Variants in C8orf34 observed in about 807,000 individuals in gnomAD.
C8orf34 encodes the protein chromosome 8 open reading frame 34.
C8orf34 carries 65 observed loss-of-function variants against 68.3 expected under a neutral mutation model. The ratio of observed to expected loss-of-function variants is 0.95; its 90% CI spans 0.78 to 1.17. The LOEUF (loss-of-function observed/expected upper bound fraction) is 1.17, where lower values mean the gene tolerates loss of function less well. C8orf34 is among the 50% of genes most tolerant of loss of function. The probability of loss-of-function intolerance (pLI) is 0.00; values close to 1 mark genes in which losing one functional copy is unlikely to be tolerated. For missense variants in C8orf34, 664 were observed against 655.4 expected (o/e 1.01, Z -0.14); for synonymous variants, 244 against 241.2 (o/e 1.01, Z -0.11).
At chr8:68,636,574 G>A (rs1818853080) in intron 7 of C8orf34, among the ~76,000 whole-genome samples, 1 of 152,052 alleles carries the variant, frequency 6.6e-6, no homozygotes, top group Admixed American at 6.6e-5. Flanking sequence ...GACAGAGCGA[G>A]ACTCTGTCTC....
At chr8:68,754,095 G>GA (rs55704304) in intron 10 of C8orf34, among the ~76,000 whole-genome samples, 37,681 of 149,970 alleles carry the variant, frequency 0.25, 6,858 homozygotes, top group African/African-American at 0.52. Context: ...GGATTAACTG[G>GA]AAAAAAAAAT....
At chr8:68,710,735 C>G (rs951938153) in intron 9 of C8orf34, among the ~76,000 whole-genome samples, 1 of 152,144 alleles carries the variant, frequency 6.6e-6, no homozygotes, top group Non-Finnish European at 1.5e-5. Flanking sequence ...TTCTTGGGAG[C>G]TCTATGGCCC....
chr8:68,775,832 A>G (rs931669375), intron 10 of C8orf34, among the ~76,000 whole-genome samples: 6 of 152,210 alleles, frequency 3.9e-5, no homozygotes, highest in African/African-American at 1.2e-4. Flanking sequence ...ATTAAGATCT[A>G]TACGAGATCA....
chr8:68,721,863 G>T (rs1028956546), intron 10 of C8orf34, among the ~76,000 whole-genome samples: 1 of 151,780 alleles, frequency 6.6e-6, no homozygotes, highest in Non-Finnish European at 1.5e-5. Flanking sequence ...GCAATTTAAG[G>T]TTAAAAGAAT....
At chr8:68,545,894 T>G (rs1262410259) in intron 7 of C8orf34, among the ~76,000 whole-genome samples, 1 of 152,040 alleles carries the variant, frequency 6.6e-6, no homozygotes, top group Non-Finnish European at 1.5e-5. Flanking sequence ...AGTATAGAGT[T>G]TATAATAAAC....
intron 5 of C8orf34, among the ~76,000 whole-genome samples, chr8:68,491,354 C>G (rs55775457): frequency 0.037 from 5,633 of 151,988 alleles, 131 homozygotes; most frequent in Middle Eastern, 0.068. Context: ...CACTTTAAAG[C>G]AACACAAATT....
intron 7 of C8orf34, among the ~76,000 whole-genome samples, chr8:68,587,698 C>T (rs1163942890): frequency 6.6e-6 from 1 of 151,992 alleles, no homozygotes; most frequent in African/African-American, 2.4e-5. Context: ...ATGCATATTC[C>T]TTTATTCTTT....
intron 7 of C8orf34, among the ~76,000 whole-genome samples, chr8:68,633,205 A>C (rs537329724): frequency 6.6e-6 from 1 of 152,226 alleles, no homozygotes; most frequent in East Asian, 1.9e-4. Flanking sequence ...CCTAAAACTT[A>C]TGTGACGAAC....
At chr8:68,483,865 A>G (rs1025954002) in intron 4 of C8orf34, among the ~76,000 whole-genome samples, 1 of 152,222 alleles carries the variant, frequency 6.6e-6, no homozygotes, top group African/African-American at 2.4e-5. Context: ...AGAGAAGCTC[A>G]GTTTCTGAAA....
At chr8:68,707,701 G>A (rs992153193) in intron 8 of C8orf34, among the ~76,000 whole-genome samples, 13 of 151,956 alleles carry the variant, frequency 8.6e-5, no homozygotes, top group Non-Finnish European at 1.6e-4. Context: ...TTAGCCTCCC[G>A]AAGTGCTGAG....
At chr8:68,469,135 A>G (rs1361104229) in intron 4 of C8orf34, among the ~76,000 whole-genome samples, 2 of 152,012 alleles carry the variant, frequency 1.3e-5, no homozygotes, top group Admixed American at 6.6e-5. Context: ...CTTTGGAAAC[A>G]TACTGTTTTG....
At chr8:68,448,036 T>C (rs1811195127) in intron 3 of C8orf34, 1 of 152,210 alleles carries the variant, frequency 6.6e-6, no homozygotes, top group African/African-American at 2.4e-5. Flanking sequence ...TCCCTTTTCA[T>C]CATGGATCCC....
chr8:68,597,141 G>A (rs1817568105), intron 7 of C8orf34, among the ~76,000 whole-genome samples: 1 of 152,060 alleles, frequency 6.6e-6, no homozygotes, highest in Admixed American at 6.6e-5. Flanking sequence ...GTGGTGGGAA[G>A]TTTCTGGTTT....
chr8:68,623,439 G>A (rs566351260), intron 7 of C8orf34, among the ~76,000 whole-genome samples: 2 of 152,052 alleles, frequency 1.3e-5, no homozygotes, highest in Non-Finnish European at 2.9e-5. Context: ...AATAGAAAAT[G>A]TCTCCAGACA....
intron 8 of C8orf34, among the ~76,000 whole-genome samples, chr8:68,674,542 T>C (rs186763303): frequency 3.9e-4 from 59 of 152,054 alleles, no homozygotes; most frequent in African/African-American, 1.4e-3. Flanking sequence ...AACAGCAGAA[T>C]TGATCAAGCA....
At chr8:68,412,867 A>C (rs997012273) in intron 1 of C8orf34, among the ~76,000 whole-genome samples, 1 of 152,038 alleles carries the variant, frequency 6.6e-6, no homozygotes, top group African/African-American at 2.4e-5. Flanking sequence ...CATTGATCCC[A>C]CCACTTCTTC....
intron 1 of C8orf34, among the ~76,000 whole-genome samples, chr8:68,408,668 C>T (rs186142240): frequency 2.6e-5 from 4 of 152,296 alleles, no homozygotes; most frequent in African/African-American, 7.2e-5. Context: ...ACAGTGGTCC[C>T]GTAGAGCTCA....
chr8:68,707,685 C>T (rs1585760299), intron 8 of C8orf34, among the ~76,000 whole-genome samples: 1 of 152,100 alleles, frequency 6.6e-6, no homozygotes, highest in Non-Finnish European at 1.5e-5. Context: ...AAGTGATCCA[C>T]CTGCCTTAGC....
At chr8:68,753,739 A>G (rs1822770340) in intron 10 of C8orf34, among the ~76,000 whole-genome samples, 1 of 152,250 alleles carries the variant, frequency 6.6e-6, no homozygotes, top group Admixed American at 6.5e-5. Flanking sequence ...CCTACAAATT[A>G]TGTTTTGAAA....
Sources: allele counts gnomAD v4.1 joint callset (sites outside exome capture counted in the v4.1 genomes callset), GRCh38; gene constraint gnomAD v4.1.1; transcripts MANE v1.5; gene names NCBI Gene and HGNC (gene_info 2026-07-23, HGNC 2026-07-21).